CLIC5: variants seen among roughly 807,000 people sequenced by gnomAD.
CLIC5 encodes the protein CLIC family member 5.
CLIC5 carries 20 observed loss-of-function variants against 24.7 expected under a neutral mutation model. That is an observed-to-expected ratio of 0.81 (90% CI 0.57 to 1.18). The LOEUF is 1.18. Ranked by LOEUF, CLIC5 falls within the 50% of genes most tolerant of loss-of-function variation. CLIC5 has a pLI of 0.00. For missense variants in CLIC5, 341 were observed against 326.1 expected (o/e 1.05, Z -0.35); for synonymous variants, 159 against 135.6 (o/e 1.17, Z -1.20).
intron 1 of CLIC5, among the ~76,000 whole-genome samples, chr6:46,050,547 C>T (rs1768074435): frequency 6.6e-6 from 1 of 152,156 alleles, no homozygotes. Context: ...CTAACAGATG[C>T]CAAACCAATT....
the CLIC5 span, among the ~76,000 whole-genome samples, chr6:46,089,646 T>C: frequency 1.3e-5 from 2 of 152,174 alleles, no homozygotes; most frequent in African/African-American, 4.8e-5. Context: ...TGTAAAATCT[T>C]GAAGCCTGGC....
intron 1 of CLIC5, among the ~76,000 whole-genome samples, chr6:45,989,712 T>C (rs1269973820): frequency 6.6e-6 from 1 of 152,174 alleles, no homozygotes; most frequent in Non-Finnish European, 1.5e-5. Context: ...AAGGTAGGCA[T>C]CCCATTAAAG....
chr6:46,108,548 C>G, the CLIC5 span, among the ~76,000 whole-genome samples: 1 of 152,050 alleles, frequency 6.6e-6, no homozygotes, highest in African/African-American at 2.4e-5. Flanking sequence ...AGGTGCCCAC[C>G]ACCACACTTG....
At chr6:45,989,008 G>A (rs1427278639) in intron 1 of CLIC5, among the ~76,000 whole-genome samples, 1 of 152,206 alleles carries the variant, frequency 6.6e-6, no homozygotes, top group East Asian at 1.9e-4. Flanking sequence ...TTCCCAGGTA[G>A]CAGCATGACT....
chr6:45,896,558 C>T (rs989561404), downstream of CLIC5, among the ~76,000 whole-genome samples: 2 of 152,204 alleles, frequency 1.3e-5, no homozygotes, highest in Non-Finnish European at 2.9e-5. Flanking sequence ...CAAGGTAAAA[C>T]TTACTGGGGG....
intron 1 of CLIC5, among the ~76,000 whole-genome samples, chr6:46,078,228 C>G (rs1017588568): frequency 6.6e-6 from 1 of 152,132 alleles, no homozygotes; most frequent in Non-Finnish European, 1.5e-5. Context: ...GACCAGGTGG[C>G]ACATGCCTGT....
At chr6:45,881,406 C>T (rs528589707) in intron 6 of CLIC5, among the ~76,000 whole-genome samples, 2 of 152,038 alleles carry the variant, frequency 1.3e-5, no homozygotes, top group Non-Finnish European at 2.9e-5. Flanking sequence ...TGCCCTGCCT[C>T]CTTCTTAAAA....
intron 4 of CLIC5, among the ~76,000 whole-genome samples, chr6:45,917,919 A>C (rs889368641): frequency 6.6e-6 from 1 of 152,234 alleles, no homozygotes; most frequent in Non-Finnish European, 1.5e-5. Flanking sequence ...CTCACTCCAC[A>C]TAATTACTCT....
chr6:45,898,559 G>GT lies in CLIC5; in HGVS notation c.*4528dup, dbSNP rs34402013. On this transcript the variant is annotated 3_prime_UTR_variant, in exon 6 of 6. Coordinates refer to ENST00000339561, the MANE Select transcript of CLIC5 (RefSeq NM_016929.5). ...AGATTCATGAGGAAAACACTCAGCT[G>GT]TATCTTCATTAAAAGGCATTTTACA... 20,968 of 152,570 alleles carry GT rather than the reference G, an allele frequency of 0.14. 2,464 individuals carry two copies. Among genetic ancestry groups the GT allele is most frequent in the African/African-American group, 0.32 (13,144 of 41,476 alleles). 9.5% of individuals were successfully genotyped at this position (152,570 alleles called of 1,614,324 possible). A position where few individuals can be genotyped will look rare whatever the true frequency, so the allele number is the denominator to read the frequency against.
At chr6:46,112,134 T>C in the CLIC5 span, among the ~76,000 whole-genome samples, 1 of 152,202 alleles carries the variant, frequency 6.6e-6, no homozygotes, top group African/African-American at 2.4e-5. Flanking sequence ...TGACATATTT[T>C]GAGATGGTTG....
At position 45,975,227 on chromosome 6, in the gene CLIC5, G is replaced by A. The variant is rs186780659; in HGVS notation, c.64-19983C>T. Among the ~76,000 whole-genome samples the A allele has an allele frequency of 3.3e-5, 5 of 152,240 alleles. No homozygotes were observed. The East Asian group carries it at 9.7e-4, about 29-fold the overall frequency. ...ATGTAGCTTTGGTGAGGCACACTCA[G>A]GGGTCGGCCTGACCTGGGGACTGGA... On this transcript the variant is annotated intron_variant, in intron 1 of 5. Transcript: ENST00000339561.
the CLIC5 span, among the ~76,000 whole-genome samples, chr6:46,094,773 G>C: frequency 2.6e-5 from 4 of 152,144 alleles, no homozygotes; most frequent in Non-Finnish European, 5.9e-5. Flanking sequence ...CCATTCTGGG[G>C]TTTGGAGGAC....
intron 1 of CLIC5, among the ~76,000 whole-genome samples, chr6:45,975,709 C>T (rs2127408533): frequency 6.6e-6 from 1 of 152,204 alleles, no homozygotes; most frequent in Middle Eastern, 3.4e-3. Flanking sequence ...AATATGTTAC[C>T]TGTCAATCTC....
At chr6:45,988,334 G>C (rs947659302) in intron 1 of CLIC5, among the ~76,000 whole-genome samples, 4 of 152,140 alleles carry the variant, frequency 2.6e-5, no homozygotes, top group African/African-American at 9.7e-5. Flanking sequence ...AGCCTGCTGG[G>C]GTGGCAGTTC....
chr6:46,125,304 T>A, the CLIC5 span, among the ~76,000 whole-genome samples: 1 of 152,164 alleles, frequency 6.6e-6, no homozygotes, highest in African/African-American at 2.4e-5. Context: ...GAAACCATCA[T>A]TCTCAGCAAA....
intron 4 of CLIC5, among the ~76,000 whole-genome samples, chr6:45,936,939 A>G (rs1763958538): frequency 6.6e-6 from 1 of 151,928 alleles, no homozygotes; most frequent in Non-Finnish European, 1.5e-5. Context: ...GAGTGAGAGG[A>G]GGGGGCATGG....
chr6:46,093,378 T>C, the CLIC5 span, among the ~76,000 whole-genome samples: 1 of 152,320 alleles, frequency 6.6e-6, no homozygotes, highest in East Asian at 1.9e-4. Context: ...AGATTTTTGA[T>C]TCAGCAGGTC....
At chr6:46,001,389 C>T (rs1477901446) in intron 1 of CLIC5, among the ~76,000 whole-genome samples, 1 of 152,158 alleles carries the variant, frequency 6.6e-6, no homozygotes, top group Non-Finnish European at 1.5e-5. Context: ...TGGGCCTCTC[C>T]CCTCATGTTG....
At chr6:46,121,302 C>T in the CLIC5 span, among the ~76,000 whole-genome samples, 1 of 152,184 alleles carries the variant, frequency 6.6e-6, no homozygotes. Flanking sequence ...AAAGAATTTT[C>T]AACCCAGAAT....
Sources: allele counts gnomAD v4.1 joint callset (sites outside exome capture counted in the v4.1 genomes callset), GRCh38; gene constraint gnomAD v4.1.1; transcripts MANE v1.5; gene names NCBI Gene and HGNC (gene_info 2026-07-23, HGNC 2026-07-21).